SDK1: variants seen among roughly 807,000 people sequenced by gnomAD.
SDK1 encodes sidekick cell adhesion molecule 1.
A neutral mutation model predicts 245.5 loss-of-function variants in SDK1; 157 were observed. That is an observed-to-expected ratio of 0.64 (90% CI 0.56 to 0.73). The LOEUF is 0.73. Ranked by LOEUF, SDK1 falls within the 30% of genes least tolerant of loss-of-function variation. SDK1 has a pLI of 0.00. For missense variants in SDK1, 3,583 were observed against 3,002.3 expected, an observed-to-expected ratio of 1.19 and a Z score of -4.52; for synonymous variants, 1,647 against 1,278.5, an observed-to-expected ratio of 1.29 and a Z score of -6.15.
At chr7:3,377,900 T>C (rs910886350) in intron 1 of SDK1, among the ~76,000 whole-genome samples, 1 of 152,082 alleles carries the variant, frequency 6.6e-6, no homozygotes, top group Non-Finnish European at 1.5e-5. Flanking sequence ...TGCGTCAGCC[T>C]CCCGAGTAGC....
At position 3,766,925 on chromosome 7, in the gene SDK1, A is replaced by AGG. The variant is rs1293135346; in HGVS notation, c.714-54525_714-54524insGG. ...AATATGCCCAAAAGTGGTTCTATTT[A>AGG]AATTCCACACAAGAGAAGTAGCAAT... is the stretch of plus-strand genomic sequence containing the variant. On this transcript the variant is annotated intron_variant, in intron 4 of 44. Coordinates refer to ENST00000404826, the MANE Select transcript of SDK1 (RefSeq NM_152744.4). Among the ~76,000 whole-genome samples the AGG allele has an allele frequency of 3.0e-4, 45 of 152,340 alleles. 1 individual carries two copies. Among genetic ancestry groups the AGG allele is most frequent in the African/African-American group, 1.1e-3 (45 of 41,580 alleles).
intron 1 of SDK1, among the ~76,000 whole-genome samples, chr7:3,554,826 A>C (rs1779534520): frequency 6.6e-6 from 1 of 152,226 alleles, no homozygotes; most frequent in South Asian, 2.1e-4. Flanking sequence ...TCAAGAAACT[A>C]ATCCCATTTA....
At chr7:3,426,644 G>A (rs1240362664) in intron 1 of SDK1, among the ~76,000 whole-genome samples, 1 of 152,206 alleles carries the variant, frequency 6.6e-6, no homozygotes, top group East Asian at 1.9e-4. Flanking sequence ...TCTCCAGTTA[G>A]TCACCACCTT....
At chr7:4,179,303 A>G (rs1487856508) in intron 35 of SDK1, 1 of 152,142 alleles carries the variant, frequency 6.6e-6, no homozygotes, top group East Asian at 1.9e-4. Context: ...GTGCAGATTT[A>G]GAAGGGTGTT....
intron 44 of SDK1, 58 bp from the exon 45 acceptor site, chr7:4,265,066 C>T: frequency 6.7e-7 from 1 of 1,501,878 alleles, no homozygotes; most frequent in Non-Finnish European, 8.9e-7. Flanking sequence ...TCCTGCCCAG[C>T]ACGCTCCGGG....
intron 4 of SDK1, among the ~76,000 whole-genome samples, chr7:3,806,041 T>C (rs1779234555): frequency 6.6e-6 from 1 of 152,186 alleles, no homozygotes; most frequent in South Asian, 2.1e-4. Flanking sequence ...TGCATGATAA[T>C]GCCCTGAGGT....
At chr7:3,995,241 A>G (rs533696860) in intron 14 of SDK1, among the ~76,000 whole-genome samples, 94 of 152,070 alleles carry the variant, frequency 6.2e-4, no homozygotes, top group Non-Finnish European at 7.9e-4. Context: ...TGCTCACCGA[A>G]TCTGGGAATT....
At chr7:4,146,386 G>A (rs1779984023) in intron 29 of SDK1, among the ~76,000 whole-genome samples, 1 of 149,034 alleles carries the variant, frequency 6.7e-6, no homozygotes, top group Non-Finnish European at 1.5e-5. Flanking sequence ...TGCTCTCTCA[G>A]ACATGTGAGC....
intron 1 of SDK1, among the ~76,000 whole-genome samples, chr7:3,347,985 T>C (rs1354314615): frequency 6.6e-6 from 1 of 152,150 alleles, no homozygotes; most frequent in African/African-American, 2.4e-5. Flanking sequence ...TACTTAAATA[T>C]GTATAATTCC....
rs1367898161 is a variant in SDK1 at position 4,075,656 on chromosome 7, C to CTTTT, written c.3011-1329_3011-1326dup. 2.1e-5 allele frequency among the ~76,000 whole-genome samples: 3 copies of CTTTT among 141,236 alleles called. No homozygotes were observed. In the South Asian group the frequency reaches 6.8e-4, roughly 32 times the overall value. 92.7% of individuals were successfully genotyped at this position (141,236 alleles called of 152,430 possible). A position where few individuals can be genotyped will look rare whatever the true frequency, so the allele number is the denominator to read the frequency against. On this transcript the variant is annotated intron_variant, in intron 20 of 44. Coordinates refer to ENST00000404826, the MANE Select transcript of SDK1 (RefSeq NM_152744.4). The stretch of plus-strand genomic sequence containing the variant: ...AGGAGCTAGTTGGGTCTTATTTCTC[C>CTTTT]TTTTTTTTTTTTTTTTAAGACAAAG...
At chr7:3,628,035 G>A (rs1292491117) in intron 2 of SDK1, among the ~76,000 whole-genome samples, 2 of 152,062 alleles carry the variant, frequency 1.3e-5, no homozygotes, top group African/African-American at 4.8e-5. Context: ...GGTACTACTT[G>A]CAGCTCCGTC....
At chr7:3,815,952 C>T (rs959630734) in intron 4 of SDK1, among the ~76,000 whole-genome samples, 16 of 143,012 alleles carry the variant, frequency 1.1e-4, no homozygotes, top group Non-Finnish European at 1.5e-4. Flanking sequence ...CACTCAAAGC[C>T]GCTCAACTAC....
At chr7:3,917,119 T>G (rs955546728) in intron 5 of SDK1, among the ~76,000 whole-genome samples, 1 of 152,234 alleles carries the variant, frequency 6.6e-6, no homozygotes, top group African/African-American at 2.4e-5. Flanking sequence ...GTATAAAACA[T>G]ACAAAAATTC....
At chr7:3,822,727 C>T (rs1177303571) in intron 5 of SDK1, among the ~76,000 whole-genome samples, 1 of 150,486 alleles carries the variant, frequency 6.6e-6, no homozygotes, top group Non-Finnish European at 1.5e-5. Context: ...GAGATCATGC[C>T]ATTACACTCC....
chr7:3,306,355 C>G (rs956923322), intron 1 of SDK1, among the ~76,000 whole-genome samples: 1 of 152,066 alleles, frequency 6.6e-6, no homozygotes, highest in Non-Finnish European at 1.5e-5. Context: ...AACATGAATT[C>G]CAGCTTCATG....
chr7:3,723,983 G>C lies in SDK1; in HGVS notation c.713+81878G>C, dbSNP rs193201389. 2.2e-3 allele frequency among the ~76,000 whole-genome samples: 330 copies of C among 149,580 alleles called. 4 individuals are homozygous for C. Among genetic ancestry groups the C allele is most frequent in the African/African-American group, 7.6e-3 (307 of 40,154 alleles). On this transcript the variant is annotated intron_variant, in intron 4 of 44. Transcript: ENST00000404826. The stretch of plus-strand genomic sequence containing the variant: ...AGAGAGAGAGAGAGAGAGAGAAAGA[G>C]AGAGAGAGTCTCACCTGTTGCCTAG...
chr7:4,116,670 T>C (rs973811519), intron 25 of SDK1, among the ~76,000 whole-genome samples: 2 of 152,244 alleles, frequency 1.3e-5, no homozygotes, highest in African/African-American at 4.8e-5. Context: ...TGTGGCTTTA[T>C]TTCTTCCTAC....
chr7:3,998,201 C>T (rs963520930), intron 14 of SDK1, among the ~76,000 whole-genome samples: 16 of 152,212 alleles, frequency 1.1e-4, no homozygotes, highest in African/African-American at 3.1e-4. Context: ...CGGGAGCTCC[C>T]GCCCCAACTC....
intron 5 of SDK1, among the ~76,000 whole-genome samples, chr7:3,933,480 G>C (rs113036578): frequency 4.4e-4 from 67 of 152,204 alleles, no homozygotes; most frequent in African/African-American, 1.5e-3. Flanking sequence ...CGCTATCAAA[G>C]GATGTGGTTA....
Sources: allele counts gnomAD v4.1 joint callset (sites outside exome capture counted in the v4.1 genomes callset), GRCh38; gene constraint gnomAD v4.1.1; transcripts MANE v1.5; gene names NCBI Gene and HGNC (gene_info 2026-07-23, HGNC 2026-07-21).